TAS2R1: variants seen among roughly 807,000 people sequenced by gnomAD.
TAS2R1 encodes taste receptor type 2 member 1.
For synonymous variants in TAS2R1, 141 were observed against 134.2 expected (o/e 1.05, Z -0.35); for missense variants, 370 against 353.4 (o/e 1.05, Z -0.38).
chr5:9,889,123 AT>A, the TAS2R1 span, among the ~76,000 whole-genome samples: 1 of 152,188 alleles, frequency 6.6e-6, no homozygotes, highest in Non-Finnish European at 1.5e-5. Context: ...TCAGTATTAG[AT>A]TTAATAAGCA....
chr5:9,642,190 T>C (rs931384567), intron 2 of TAS2R1, among the ~76,000 whole-genome samples: 1 of 152,180 alleles, frequency 6.6e-6, no homozygotes, highest in Admixed American at 6.5e-5. Flanking sequence ...GTAATGTTCA[T>C]CTTTCTGCTT....
chr5:9,627,691 C>T lies in TAS2R1; in HGVS notation c.*1442G>A, dbSNP rs1336606163. On this transcript the variant is annotated 3_prime_UTR_variant, in exon 1 of 1. Coordinates refer to ENST00000382492, the MANE Select transcript of TAS2R1 (RefSeq NM_019599.3). The stretch of plus-strand genomic sequence containing the variant: ...TACACCCAGGATACAACTGATCTTC[C>T]CACAGCTGGCTTCCTGAGTGCGTGA... Among the ~76,000 whole-genome samples the T allele has an allele frequency of 6.6e-6, 1 of 152,174 alleles. No individual in the cohort carries two copies. Among genetic ancestry groups the T allele is most frequent in the Admixed American group, 6.5e-5 (1 of 15,276 alleles).
the TAS2R1 span, among the ~76,000 whole-genome samples, chr5:9,876,973 C>G: frequency 6.6e-6 from 1 of 152,160 alleles, no homozygotes; most frequent in African/African-American, 2.4e-5. Context: ...GGTTGCTCCC[C>G]AAAGTGTCTA....
At chr5:9,832,726 C>T in the TAS2R1 span, among the ~76,000 whole-genome samples, 49 of 152,328 alleles carry the variant, frequency 3.2e-4, no homozygotes, top group African/African-American at 1.0e-3. Flanking sequence ...ATGAAAAAGA[C>T]GTAGCAAGCC....
chr5:9,717,180 G>T (rs1734830342), upstream of TAS2R1, among the ~76,000 whole-genome samples: 1 of 152,160 alleles, frequency 6.6e-6, no homozygotes, highest in Admixed American at 6.5e-5. Context: ...TACCAGTCAG[G>T]ACTTGGAGAT....
chr5:9,776,038 C>T, the TAS2R1 span, among the ~76,000 whole-genome samples: 1 of 152,124 alleles, frequency 6.6e-6, no homozygotes, highest in African/African-American at 2.4e-5. Context: ...GTTCTGGTGA[C>T]CCAGACTGCC....
chr5:9,690,762 G>A (rs1309341137), intron 1 of TAS2R1, among the ~76,000 whole-genome samples: 2 of 151,988 alleles, frequency 1.3e-5, no homozygotes, highest in African/African-American at 2.4e-5. Flanking sequence ...GAAATAAGGG[G>A]CAACAGTTTT....
At chr5:9,889,232 C>T in the TAS2R1 span, among the ~76,000 whole-genome samples, 1 of 152,138 alleles carries the variant, frequency 6.6e-6, no homozygotes, top group South Asian at 2.1e-4. Flanking sequence ...TGAGTGCCCC[C>T]ATCTGCACCA....
At chr5:9,749,559 CA>C in the TAS2R1 span, among the ~76,000 whole-genome samples, 3 of 152,316 alleles carry the variant, frequency 2.0e-5, no homozygotes, top group Non-Finnish European at 4.4e-5. Flanking sequence ...TAGGCTGAGC[CA>C]GGAACAAAAT....
rs1454403502 is a variant in TAS2R1 at position 9,630,220 on chromosome 5, T to C, written c.-188A>G. 4.4e-6 allele frequency: 2 copies of C among 455,642 alleles called. No homozygotes were observed. Among genetic ancestry groups the C allele is most frequent in the Admixed American group, 3.9e-5 (1 of 25,550 alleles). 28.2% of individuals were successfully genotyped at this position (455,642 alleles called of 1,614,324 possible). ...CTTTCTCTATTTAGTTCTGAGACAG[T>C]CAAATAAGGAGGAGATACTCTAGCA... is the stretch of plus-strand genomic sequence containing the variant. On this transcript the variant is annotated 5_prime_UTR_variant, in exon 1 of 1. It removes the in-frame stop codon of an upstream open reading frame in the 5' UTR. Transcript: ENST00000382492.
chr5:9,885,156 C>A, the TAS2R1 span, among the ~76,000 whole-genome samples: 1 of 152,192 alleles, frequency 6.6e-6, no homozygotes, highest in Non-Finnish European at 1.5e-5. Context: ...GGATTCAAAC[C>A]CCAGTAGTCT....
At chr5:9,900,988 T>G in the TAS2R1 span, among the ~76,000 whole-genome samples, 26 of 152,274 alleles carry the variant, frequency 1.7e-4, no homozygotes, top group African/African-American at 6.0e-4. Flanking sequence ...GTGTCTCTGT[T>G]TGCACTAGTC....
At chr5:9,739,078 A>G in the TAS2R1 span, among the ~76,000 whole-genome samples, 1 of 152,244 alleles carries the variant, frequency 6.6e-6, no homozygotes, top group African/African-American at 2.4e-5. Flanking sequence ...TCAGAAACAA[A>G]GAAGACAGCC....
intron 1 of TAS2R1, among the ~76,000 whole-genome samples, chr5:9,681,777 G>A (rs1017252751): frequency 4.6e-5 from 7 of 152,080 alleles, no homozygotes; most frequent in African/African-American, 1.4e-4. Flanking sequence ...TGTGGTCCAG[G>A]AGCCAACAGC....
At chr5:9,725,488 G>T in the TAS2R1 span, among the ~76,000 whole-genome samples, 2 of 152,190 alleles carry the variant, frequency 1.3e-5, no homozygotes, top group Non-Finnish European at 2.9e-5. Flanking sequence ...GGTGTACTGG[G>T]TCCCCCAGCA....
chr5:9,732,635 G>A, the TAS2R1 span, among the ~76,000 whole-genome samples: 1 of 152,122 alleles, frequency 6.6e-6, no homozygotes, highest in East Asian at 1.9e-4. Flanking sequence ...GAATGCATGG[G>A]TTGATGGATG....
the TAS2R1 span, among the ~76,000 whole-genome samples, chr5:9,786,290 G>C: frequency 2.0e-5 from 3 of 152,148 alleles, no homozygotes; most frequent in African/African-American, 7.2e-5. Context: ...TATTTCCTAG[G>C]AAAGATGTTT....
At chr5:9,732,619 A>G in the TAS2R1 span, among the ~76,000 whole-genome samples, 1 of 152,138 alleles carries the variant, frequency 6.6e-6, no homozygotes, top group African/African-American at 2.4e-5. Context: ...GGAGAAGACT[A>G]TTGAAGAATG....
chr5:9,663,579 A>G (rs1377640706), intron 1 of TAS2R1, among the ~76,000 whole-genome samples: 1 of 152,142 alleles, frequency 6.6e-6, no homozygotes, highest in East Asian at 1.9e-4. Context: ...TATGCTACCC[A>G]CGTTAATTAG....
Sources: allele counts gnomAD v4.1 joint callset (sites outside exome capture counted in the v4.1 genomes callset), GRCh38; gene constraint gnomAD v4.1.1; transcripts MANE v1.5; gene names NCBI Gene and HGNC (gene_info 2026-07-23, HGNC 2026-07-21).